The following NTN1 variants were observed in gnomAD, a reference collection of about 807,000 sequenced individuals.
The protein encoded by NTN1 is netrin 1.
Under a neutral mutation model 54.2 loss-of-function variants are expected in NTN1, and 11 were observed. The observed-to-expected ratio is 0.20, with a 90% CI of 0.13 to 0.34. The LOEUF is 0.34. Among genes scored for constraint, NTN1 ranks in the 10% least tolerant of loss-of-function variants. The pLI is 1.00. For synonymous variants in NTN1, 371 were observed against 382.0 expected, an observed-to-expected ratio of 0.97 and a Z score of 0.33; for missense variants, 740 against 893.1, an observed-to-expected ratio of 0.83 and a Z score of 2.18.
At chr17:9,111,424 T>TGTG (rs1335669153) in intron 2 of NTN1, among the ~76,000 whole-genome samples, 2 of 151,882 alleles carry the variant, frequency 1.3e-5, no homozygotes, top group East Asian at 1.9e-4. Context: ...TGTAGGTGTG[T>TGTG]GTGGTGGTGG....
intron 5 of NTN1, among the ~76,000 whole-genome samples, chr17:9,188,071 G>A (rs1904329238): frequency 6.6e-6 from 1 of 152,212 alleles, no homozygotes; most frequent in Non-Finnish European, 1.5e-5. Context: ...CCTGGAACTT[G>A]ATAGTGGTGA....
intron 3 of NTN1, among the ~76,000 whole-genome samples, chr17:9,172,087 C>T (rs1424161619): frequency 6.6e-6 from 1 of 151,964 alleles, no homozygotes; most frequent in African/African-American, 2.4e-5. Flanking sequence ...GCAGTTTCAC[C>T]ATGTTAGTCA....
intron 2 of NTN1, among the ~76,000 whole-genome samples, chr17:9,083,675 C>T (rs1368181618): frequency 6.6e-6 from 1 of 152,188 alleles, no homozygotes; most frequent in Non-Finnish European, 1.5e-5. Context: ...TTTGCTATCA[C>T]AGGGAACACC....
At chr17:9,056,977 C>A (rs570449531) in intron 2 of NTN1, among the ~76,000 whole-genome samples, 2 of 152,186 alleles carry the variant, frequency 1.3e-5, no homozygotes, top group East Asian at 3.9e-4. Flanking sequence ...CAACAGAGGC[C>A]CCCCTGTGAT....
At position 9,021,534 on chromosome 17, in the gene NTN1, G is replaced by T. The variant is rs1356176275; in HGVS notation, c.-115G>T. On this transcript the variant is annotated 5_prime_UTR_variant, in exon 1 of 7. Transcript: ENST00000173229. ...CACTCCCAGCGCGAGTGGCGGCGGC[G>T]GCGGAGCCTTCGGGGGCGAGCGCGC... 2.6e-5 allele frequency: 4 copies of T among 151,996 alleles called. No individual in the cohort carries two copies. The highest frequency in any genetic ancestry group is 9.7e-5 in the African/African-American group (4 of 41,336). The allele number at this position is 151,996 out of a possible 1,614,324, so 9.4% of individuals were successfully genotyped here.
At chr17:9,140,293 A>G (rs1442287187) in intron 2 of NTN1, among the ~76,000 whole-genome samples, 1 of 152,208 alleles carries the variant, frequency 6.6e-6, no homozygotes, top group East Asian at 1.9e-4. Context: ...TGAAGTAAGA[A>G]TGGTGTTACC....
intron 6 of NTN1, among the ~76,000 whole-genome samples, chr17:9,235,908 C>T (rs11868416): frequency 0.012 from 1,806 of 152,056 alleles, 36 homozygotes; most frequent in African/African-American, 0.04. Flanking sequence ...TCCACTGCCA[C>T]GCCCAGCTAA....
chr17:9,215,266 C>CAA (rs139158794), intron 5 of NTN1, among the ~76,000 whole-genome samples: 2,272 of 147,142 alleles, frequency 0.015, 50 homozygotes, highest in African/African-American at 0.047. Context: ...CACACACACA[C>CAA]ACACACACAC....
At chr17:9,068,080 GCAGA>G (rs1380308740) in intron 2 of NTN1, among the ~76,000 whole-genome samples, 1 of 152,178 alleles carries the variant, frequency 6.6e-6, no homozygotes, top group Non-Finnish European at 1.5e-5. Flanking sequence ...CTAACTCAGG[GCAGA>G]CAATCAATAA....
chr17:9,037,767 G>C (rs1480454205), intron 2 of NTN1, among the ~76,000 whole-genome samples: 1 of 152,124 alleles, frequency 6.6e-6, no homozygotes, highest in Non-Finnish European at 1.5e-5. Flanking sequence ...AGGTTTTTCT[G>C]CTACTGCGAT....
intron 2 of NTN1, among the ~76,000 whole-genome samples, chr17:9,058,637 C>CAAAAAAAAAAAAAAAAAAAAAAA (rs3053457): frequency 5.8e-4 from 34 of 58,892 alleles, no homozygotes; most frequent in Middle Eastern, 0.022. Flanking sequence ...GGTAGGCACT[C>CAAAAAAAAAAAAAAAAAAAAAAA]AAAAAAAAAA....
chr17:9,194,505 C>G (rs967583665), intron 5 of NTN1, among the ~76,000 whole-genome samples: 1 of 152,114 alleles, frequency 6.6e-6, no homozygotes, highest in Non-Finnish European at 1.5e-5. Context: ...GTGTTTAAAC[C>G]GTGGGATTCT....
chr17:9,119,713 G>C (rs190924831), intron 2 of NTN1, among the ~76,000 whole-genome samples: 19 of 152,164 alleles, frequency 1.2e-4, no homozygotes, highest in Admixed American at 1.2e-3. Flanking sequence ...GCCCAGGCTG[G>C]TCTCGAACTC....
At chr17:9,213,634 C>CT (rs1415748677) in intron 5 of NTN1, among the ~76,000 whole-genome samples, 1 of 152,180 alleles carries the variant, frequency 6.6e-6, no homozygotes, top group African/African-American at 2.4e-5. Flanking sequence ...TATAAAACTG[C>CT]TTTTTTAAAG....
At chr17:9,214,924 T>C (rs1162208816) in intron 5 of NTN1, among the ~76,000 whole-genome samples, 1 of 152,270 alleles carries the variant, frequency 6.6e-6, no homozygotes, top group East Asian at 1.9e-4. Flanking sequence ...TTCATTGTTT[T>C]GTCTTTAGTG....
At chr17:9,091,633 A>G (rs1040029311) in intron 2 of NTN1, among the ~76,000 whole-genome samples, 2 of 151,372 alleles carry the variant, frequency 1.3e-5, no homozygotes, top group African/African-American at 4.9e-5. Context: ...TTGTATTTTT[A>G]GTAGAGACGG....
At chr17:9,206,154 T>TGA (rs1012680964) in intron 5 of NTN1, among the ~76,000 whole-genome samples, 14 of 152,164 alleles carry the variant, frequency 9.2e-5, no homozygotes, top group Admixed American at 2.6e-4. Context: ...ACTGAGCAGC[T>TGA]GAGGGTCAAG....
At chr17:9,092,872 C>T (rs2092117067) in intron 2 of NTN1, among the ~76,000 whole-genome samples, 1 of 152,170 alleles carries the variant, frequency 6.6e-6, no homozygotes, top group Non-Finnish European at 1.5e-5. Context: ...CATTCTCCTG[C>T]CTCAGCCTCC....
chr17:9,059,060 TA>T (rs2142205583), intron 2 of NTN1, among the ~76,000 whole-genome samples: 1 of 152,312 alleles, frequency 6.6e-6, no homozygotes, highest in East Asian at 1.9e-4. Context: ...TTCATACACG[TA>T]AAGTGCATAG....
Sources: allele counts gnomAD v4.1 joint callset (sites outside exome capture counted in the v4.1 genomes callset), GRCh38; gene constraint gnomAD v4.1.1; transcripts MANE v1.5; gene names NCBI Gene and HGNC (gene_info 2026-07-23, HGNC 2026-07-21).